Variants in USP36 observed in about 807,000 individuals in gnomAD.
USP36 encodes the protein ubiquitin carboxyl-terminal hydrolase 36.
USP36 carries 59 observed loss-of-function variants against 111.5 expected under a neutral mutation model. The observed-to-expected ratio is 0.53, with a 90% CI of 0.43 to 0.66. The LOEUF (loss-of-function observed/expected upper bound fraction) is 0.66, where lower values mean the gene tolerates loss of function less well. USP36 is among the 30% of genes least tolerant of loss of function. The probability of loss-of-function intolerance (pLI) is 0.00; values close to 1 mark genes in which losing one functional copy is unlikely to be tolerated. For synonymous variants in USP36, 628 were observed against 581.0 expected, an observed-to-expected ratio of 1.08 and a Z score of -1.16; for missense variants, 1,488 against 1,468.0, an observed-to-expected ratio of 1.01 and a Z score of -0.22.
Position 78,804,058 on chromosome 17 carries a change from C to T in USP36, c.2217-80G>A, listed in dbSNP as rs1464305283. On this transcript the variant is annotated intron_variant, in intron 15 of 20. Coordinates refer to ENST00000449938, the MANE Select transcript of USP36 (RefSeq NM_001385174.1). The stretch of plus-strand genomic sequence containing the variant: ...TGTTCCTTCTGTCTACCCTCACTCC[C>T]CTCCCTTTCACCTAAAAATCTGAAA... 1.8e-5 allele frequency: 19 copies of T among 1,059,262 alleles called. No individual in the cohort carries two copies. In the East Asian group the frequency reaches 4.2e-4, roughly 23 times the overall value. 65.6% of individuals were successfully genotyped at this position (1,059,262 alleles called of 1,614,324 possible). A position where few individuals can be genotyped will look rare whatever the true frequency, so the allele number is the denominator to read the frequency against.
chr17:78,810,018 T>C (rs376839598), intron 13 of USP36, among the ~76,000 whole-genome samples: 2 of 152,130 alleles, frequency 1.3e-5, no homozygotes, highest in South Asian at 4.1e-4. Context: ...AGCTAACTTT[T>C]GTATTTTTAG....
chr17:78,807,091 G>A lies in USP36; in HGVS notation c.1953C>T (p.Ser651=), dbSNP rs761599624. The change falls in exon 14 of 21, where the codon TCC becomes TCT. Residue 651 remains serine, a synonymous_variant. Transcript: ENST00000449938. ...AATCTGCTCCACTTGGCGGCGTTTT[G>A]GAGTGGCCAGCGGTGGAACAGTTCG... ...QETNCSTAGH[S]KTPPSGADSK... The A allele has an allele frequency of 6.8e-6, 11 of 1,614,232 alleles. No individual in the cohort carries two copies. The highest frequency in any genetic ancestry group is 8.5e-6 in the Non-Finnish European group (10 of 1,180,044).
In USP36 at chr17:78,835,398, G is replaced by A. The variant is rs747490867; in HGVS notation, c.357C>T (p.Arg119=). 6.8e-6 allele frequency: 11 copies of A among 1,614,142 alleles called. No homozygotes were observed. The highest frequency in any genetic ancestry group is 2.7e-5 in the African/African-American group (2 of 74,954). Residue 119 remains arginine (R), a synonymous_variant, in exon 4 of 21, where the codon CGC becomes CGT. Coordinates refer to ENST00000449938, the MANE Select transcript of USP36 (RefSeq NM_001385174.1). ...RLSLRWERVF[R]VGAGLHNLGN... is the part of the protein sequence containing the mutation. ...CAAGGTTGTGGAGTCCTGCGCCCAC[G>A]CGGAAGACCCGCTCCCACCTCAGAG...
intron 1 of USP36, among the ~76,000 whole-genome samples, chr17:78,839,369 T>G (rs1347653299): frequency 2.6e-5 from 4 of 152,084 alleles, no homozygotes; most frequent in African/African-American, 9.7e-5. Flanking sequence ...GACCTATGAC[T>G]TCATCCATAA....
chr17:78,790,347 A>G (rs1332084880), intron 3 of USP36, among the ~76,000 whole-genome samples: 1 of 151,974 alleles, frequency 6.6e-6, no homozygotes, highest in Non-Finnish European at 1.5e-5. Flanking sequence ...CTGGAGCACA[A>G]TGGCGCGGTC....
In USP36 at chr17:78,798,939, T is replaced by C. The variant is rs1567906410; in HGVS notation, c.3209A>G (p.Asp1070Gly). 1 of 1,614,012 alleles carries C rather than the reference T, an allele frequency of 6.2e-7. No homozygotes were observed. The highest frequency in any genetic ancestry group is 8.5e-7 in the Non-Finnish European group (1 of 1,180,050). The change falls in exon 19 of 21, where the codon GAT becomes GGT. Residue 1070 changes from aspartate to glycine, a missense_variant. By Grantham distance (94) the Asp-to-Gly change is moderately conservative. Around this residue, in one of 3 missense-constraint regions of USP36, gnomAD observed 1,073 missense variants for 994.1 expected, o/e 1.08. Transcript: ENST00000449938. This position sits in a 1 kb window ranked among gnomAD's most constrained non-coding sequence, Gnocchi z 5.1. ...TCGGTCAAACTCTTCGTCCCAGTCA[T>C]CAACCACGGTCTCAGTCCGGGCCTG... The part of the protein sequence containing the change: ...SRQARTETVV[D>G]DWDEEFDRGK...
downstream of USP36, among the ~76,000 whole-genome samples, chr17:78,790,861 C>T (rs1413754568): frequency 6.6e-6 from 1 of 152,132 alleles, no homozygotes; most frequent in Non-Finnish European, 1.5e-5. Context: ...AAGGGAGTGG[C>T]AATCTTGTGA....
intron 5 of USP36, 102 bp downstream of exon 5, chr17:78,828,795 A>G: frequency 1.7e-6 from 2 of 1,185,970 alleles, no homozygotes; most frequent in Non-Finnish European, 1.2e-6. Context: ...GCTTAAGGCC[A>G]GGAATTTAAG....
At chr17:78,816,307 G>A (rs576131156) in intron 10 of USP36, among the ~76,000 whole-genome samples, 12 of 151,990 alleles carry the variant, frequency 7.9e-5, no homozygotes, top group South Asian at 2.1e-4. Context: ...CTATAGGCAC[G>A]CGCCACCATG....
intron 6 of USP36, chr17:78,823,061 C>T (rs1273074232): frequency 2.5e-6 from 1 of 398,790 alleles, no homozygotes; most frequent in African/African-American, 2.1e-5. Flanking sequence ...CACTTCCCCT[C>T]CCACAGAACA....
chr17:78,806,821 G>T, intron 14 of USP36, 138 bp downstream of exon 14: 1 of 1,240,996 alleles, frequency 8.1e-7, no homozygotes. Context: ...GGCTGGGAAC[G>T]ACTAAAAGAC....
chr17:78,823,343 AC>A (rs1054107148), intron 6 of USP36, among the ~76,000 whole-genome samples: 1 of 151,712 alleles, frequency 6.6e-6, no homozygotes, highest in Non-Finnish European at 1.5e-5. Context: ...AATCCAGACC[AC>A]CCCCACAACC....
At chr17:78,824,920 A>C (rs911520097) in intron 6 of USP36, among the ~76,000 whole-genome samples, 3 of 152,250 alleles carry the variant, frequency 2.0e-5, no homozygotes, top group Non-Finnish European at 4.4e-5. Flanking sequence ...CCACGTGACA[A>C]GTGAAGACAC....
chr17:78,815,495 G>A (rs1244422893), intron 10 of USP36, among the ~76,000 whole-genome samples: 1 of 152,054 alleles, frequency 6.6e-6, no homozygotes. Flanking sequence ...GGTTCCTAAC[G>A]ATCAAATGAG....
chr17:78,827,701 G>A (rs771500160), intron 5 of USP36, among the ~76,000 whole-genome samples: 6 of 151,822 alleles, frequency 4.0e-5, no homozygotes, highest in Non-Finnish European at 7.4e-5. Flanking sequence ...CCAGGAGTTC[G>A]AGGGCAGCCT....
downstream of USP36, among the ~76,000 whole-genome samples, chr17:78,794,984 G>A (rs937751191): frequency 8.6e-5 from 13 of 150,690 alleles, no homozygotes; most frequent in Non-Finnish European, 1.3e-4. Flanking sequence ...CTCCAGCCTG[G>A]GCGACAGAGG....
chr17:78,804,108 A>C, intron 15 of USP36, 130 bp from the exon 16 acceptor site: 1 of 611,738 alleles, frequency 1.6e-6, no homozygotes. Context: ...TAGTTTTCAG[A>C]TACACATTAA....
At chr17:78,806,049 T>C (rs1269052083) in intron 15 of USP36, 107 bp downstream of exon 15, 2 of 1,573,170 alleles carry the variant, frequency 1.3e-6, no homozygotes, top group Non-Finnish European at 1.7e-6. Context: ...CCCCAATGCT[T>C]TGTCTGTCCT....
chr17:78,833,172 C>T (rs2068306521), intron 4 of USP36, among the ~76,000 whole-genome samples: 1 of 152,218 alleles, frequency 6.6e-6, no homozygotes, highest in Admixed American at 6.5e-5. Context: ...AAACAATGTG[C>T]TGCTTCATCT....
Sources: gnomAD v4.1 joint callset for allele counts (sites outside exome capture counted in the v4.1 genomes callset) on GRCh38, gnomAD v4.1.1 for gene constraint, gnomAD v4.1.1 regional missense constraint, Gnocchi (gnomAD v3.1) non-coding constraint, MANE v1.5 for transcripts, NCBI Gene and HGNC (gene_info 2026-07-23, HGNC 2026-07-21) for gene names.